PTPRD: variants seen among roughly 807,000 people sequenced by gnomAD.
PTPRD encodes the protein receptor-type tyrosine-protein phosphatase delta.
PTPRD carries 34 observed loss-of-function variants against 214.5 expected under a neutral mutation model. That is an observed-to-expected ratio of 0.16 (90% CI 0.12 to 0.21). The LOEUF is 0.21. Among genes scored for constraint, PTPRD ranks in the 10% least tolerant of loss-of-function variants. The pLI is 1.00. For missense variants in PTPRD, 2,545 were observed against 2,398.7 expected (o/e 1.06, Z -1.27); for synonymous variants, 1,128 against 845.7 (o/e 1.33, Z -5.79).
rs376441263 is a variant in PTPRD at position 9,742,515 on chromosome 9, G to C, written c.-325-7944C>G. ...AATTTTGATAAAGAAAGGAAGAAAA[G>C]GGTACTATTCATACCTTTTGAGAAT... On this transcript the variant is annotated intron_variant, in intron 6 of 45. Transcript: ENST00000381196. Among the ~76,000 whole-genome samples, 13 of 152,158 alleles carry C rather than the reference G, an allele frequency of 8.5e-5. No homozygotes were observed. In the East Asian group the frequency reaches 1.2e-3, roughly 14 times the overall value.
At chr9:9,032,751 G>A (rs1043817868) in intron 10 of PTPRD, among the ~76,000 whole-genome samples, 4 of 152,032 alleles carry the variant, frequency 2.6e-5, no homozygotes, top group African/African-American at 7.2e-5. Flanking sequence ...ATTTTTCCTT[G>A]GCTAAATTGC....
intron 11 of PTPRD, among the ~76,000 whole-genome samples, chr9:8,881,666 T>C (rs939967313): frequency 3.9e-5 from 6 of 152,070 alleles, no homozygotes; most frequent in Admixed American, 2.0e-4. Context: ...GGTGGGGCCA[T>C]TGGAGACAGA....
At position 9,981,582 on chromosome 9, in the gene PTPRD, G is replaced by C. The variant is rs1018872206; in HGVS notation, c.-471-42972C>G. Among the ~76,000 whole-genome samples, 11 of 151,738 alleles carry C rather than the reference G, an allele frequency of 7.2e-5. No individual in the cohort carries two copies. In the South Asian group the frequency reaches 1.3e-3, roughly 17 times the overall value. The stretch of plus-strand genomic sequence containing the variant: ...CCACCGTGTTAGCCAGGATGGTCTC[G>C]ATCTCCTGACCTTGTGATCTGCCTG... On this transcript the variant is annotated intron_variant, in intron 4 of 45. Transcript: ENST00000381196.
chr9:10,010,961 T>C (rs570874383), intron 4 of PTPRD, among the ~76,000 whole-genome samples: 2 of 152,054 alleles, frequency 1.3e-5, no homozygotes, highest in Non-Finnish European at 2.9e-5. Flanking sequence ...AAAGTAATTA[T>C]GGACAAGAAG....
At chr9:9,482,920 C>A (rs567672895) in intron 8 of PTPRD, among the ~76,000 whole-genome samples, 68 of 152,106 alleles carry the variant, frequency 4.5e-4, no homozygotes, top group Non-Finnish European at 5.9e-4. Context: ...AACATGTAGA[C>A]GCTACTCTCT....
At chr9:9,650,793 T>C (rs1469030152) in intron 7 of PTPRD, among the ~76,000 whole-genome samples, 1 of 152,080 alleles carries the variant, frequency 6.6e-6, no homozygotes, top group Non-Finnish European at 1.5e-5. Flanking sequence ...AAAAAAAATC[T>C]TCAGTATGTC....
chr9:9,398,852 A>G (rs2068980375), intron 8 of PTPRD, among the ~76,000 whole-genome samples: 1 of 152,036 alleles, frequency 6.6e-6, no homozygotes, highest in Admixed American at 6.6e-5. Flanking sequence ...TACTGGCATC[A>G]TCTTAGAAAA....
intron 12 of PTPRD, among the ~76,000 whole-genome samples, chr9:8,711,047 C>G (rs1331137366): frequency 6.6e-6 from 1 of 151,986 alleles, no homozygotes; most frequent in Non-Finnish European, 1.5e-5. Flanking sequence ...ATTTTAATGT[C>G]AGATATCCAA....
intron 11 of PTPRD, among the ~76,000 whole-genome samples, chr9:8,817,105 G>C (rs560721228): frequency 2.0e-5 from 3 of 152,120 alleles, no homozygotes; most frequent in Non-Finnish European, 4.4e-5. Context: ...TATCAATTAC[G>C]GCCTTAAATT....
intron 9 of PTPRD, among the ~76,000 whole-genome samples, chr9:9,234,864 T>C (rs892114040): frequency 1.3e-5 from 2 of 152,206 alleles, no homozygotes; most frequent in African/African-American, 4.8e-5. Flanking sequence ...CTTTCCTACA[T>C]CTTCCTTTCT....
Position 8,774,175 on chromosome 9 carries a change from C to G in PTPRD, c.-103-40229G>C, listed in dbSNP as rs114304500. On this transcript the variant is annotated intron_variant, in intron 11 of 45. Coordinates refer to ENST00000381196, the MANE Select transcript of PTPRD (RefSeq NM_002839.4). ...CAGGGTGTCAAAAAGTTGGGGTGCA[C>G]AGGATAAATATATCTTAACTGGGAT... Among the ~76,000 whole-genome samples the G allele has an allele frequency of 2.6e-3, 402 of 152,296 alleles. 3 individuals carry two copies. Among genetic ancestry groups the G allele is most frequent in the African/African-American group, 8.8e-3 (366 of 41,570 alleles).
At chr9:8,792,262 A>G (rs2096261826) in intron 11 of PTPRD, among the ~76,000 whole-genome samples, 1 of 152,210 alleles carries the variant, frequency 6.6e-6, no homozygotes, top group Non-Finnish European at 1.5e-5. Flanking sequence ...CTTTGATTCT[A>G]AAAGTAAGAT....
chr9:9,101,138 G>A (rs1431907162), intron 10 of PTPRD, among the ~76,000 whole-genome samples: 1 of 151,628 alleles, frequency 6.6e-6, no homozygotes, highest in East Asian at 1.9e-4. Flanking sequence ...GAGACCAGAA[G>A]CTTTAGCAAA....
rs2154292861 is a variant in PTPRD, at chr9:8,613,579, C to T, written c.352+19738G>A. Among the ~76,000 whole-genome samples, 3 of 152,158 alleles carry T rather than the reference C, an allele frequency of 2.0e-5. No individual in the cohort carries two copies. In the Middle Eastern group the frequency reaches 0.01, roughly 518 times the overall value. ...TTTACCCAAAGTTTGAATCTCCTGC[C>T]TCTCTAGCACCCCCAGAAAATGATC... On this transcript the variant is annotated intron_variant, in intron 14 of 45. Coordinates refer to ENST00000381196, the MANE Select transcript of PTPRD (RefSeq NM_002839.4).
intron 12 of PTPRD, among the ~76,000 whole-genome samples, chr9:8,673,228 A>G (rs570283018): frequency 6.6e-6 from 1 of 152,212 alleles, no homozygotes; most frequent in Non-Finnish European, 1.5e-5. Flanking sequence ...ACACATACGC[A>G]CAGCTAAAGG....
chr9:9,264,417 A>C (rs1180523950), intron 9 of PTPRD, among the ~76,000 whole-genome samples: 1 of 151,668 alleles, frequency 6.6e-6, no homozygotes, highest in East Asian at 2.0e-4. Flanking sequence ...TGTCAAAGGC[A>C]TACTTAATGA....
At chr9:9,488,212 T>G (rs2095740811) in intron 8 of PTPRD, among the ~76,000 whole-genome samples, 1 of 152,194 alleles carries the variant, frequency 6.6e-6, no homozygotes, top group Non-Finnish European at 1.5e-5. Context: ...ACACATTGCT[T>G]CACAAGCATA....
chr9:9,771,772 A>G (rs1171998286), intron 5 of PTPRD, among the ~76,000 whole-genome samples: 1 of 152,202 alleles, frequency 6.6e-6, no homozygotes, highest in Non-Finnish European at 1.5e-5. Context: ...ACCGAATTTA[A>G]GAAATCAAAT....
intron 19 of PTPRD, among the ~76,000 whole-genome samples, chr9:8,522,773 C>A (rs2097916649): frequency 6.6e-6 from 1 of 152,114 alleles, no homozygotes; most frequent in Non-Finnish European, 1.5e-5. Flanking sequence ...GGCAAAATGT[C>A]ATACCATAAG....
Sources: allele counts gnomAD v4.1 joint callset (sites outside exome capture counted in the v4.1 genomes callset), GRCh38; gene constraint gnomAD v4.1.1; transcripts MANE v1.5; gene names NCBI Gene and HGNC (gene_info 2026-07-23, HGNC 2026-07-21).